The following FBXO42 variants were observed in gnomAD, a reference collection of about 807,000 sequenced individuals.
FBXO42 encodes the protein F-box protein 42.
In FBXO42, 12 loss-of-function variants were observed where a neutral mutation model predicts 71.7. The ratio of observed to expected loss-of-function variants is 0.17; its 90% CI spans 0.11 to 0.27. FBXO42 has a LOEUF of 0.27. Ranked by LOEUF, FBXO42 falls within the 10% of genes least tolerant of loss-of-function variation. The pLI, the probability that FBXO42 is intolerant of heterozygous loss-of-function variation, is 1.00. For synonymous variants in FBXO42, 325 were observed against 327.5 expected (o/e 0.99, Z 0.08); for missense variants, 707 against 911.9 (o/e 0.78, Z 2.89).
In FBXO42 at chr1:16,295,999, A is replaced by G. The variant is rs545465334; in HGVS notation, c.368-1082T>C. Among the ~76,000 whole-genome samples the G allele has an allele frequency of 2.0e-4, 31 of 152,356 alleles. No homozygotes were observed. The South Asian group carries it at 5.6e-3, about 27-fold the overall frequency. On this transcript the variant is annotated intron_variant, in intron 3 of 9. Coordinates refer to ENST00000375592, the MANE Select transcript of FBXO42 (RefSeq NM_018994.3). ...TCTAAAAAAAGCCTTCTTTGATTAG[A>G]TGATTGTATACACATCACCAGGCAT...
intron 1 of FBXO42, among the ~76,000 whole-genome samples, chr1:16,326,142 A>G (rs1569927557): frequency 6.7e-6 from 1 of 149,654 alleles, no homozygotes; most frequent in Non-Finnish European, 1.5e-5. Flanking sequence ...TGCAACCTCC[A>G]CCTCCTGAGT....
At position 16,251,740 on chromosome 1, in the gene FBXO42, C is replaced by A. The variant is rs1314665506; in HGVS notation, c.1084G>T (p.Ala362Ser). 6.2e-7 allele frequency: 1 copy of A among 1,614,156 alleles called. No individual in the cohort carries two copies. The highest frequency in any genetic ancestry group is 1.7e-5 in the Admixed American group (1 of 60,028). ...VVFSQAPSGR[A>S]PLSPSLNSRP... ...GAGTTCAAACTGGGGCTGAGTGGGG[C>A]TCTCCCACTAGGAGCCTGGCTGAAG... Residue 362 changes from alanine to serine, a missense_variant, in exon 10 of 10, where the codon GCC (alanine) becomes TCC (serine). Coordinates refer to ENST00000375592, the MANE Select transcript of FBXO42 (RefSeq NM_018994.3). This position sits in a 1 kb window ranked among gnomAD's most constrained non-coding sequence, Gnocchi z 4.5.
At position 16,247,159 on chromosome 1, in the gene FBXO42, A is replaced by C. The variant is rs1369335921; in HGVS notation, c.*3511T>G. ...AGTTTGCTCTCATTTGACAATGAACACGGTGAGAGGGAGCCACTTACTGGT... is the reference window on the plus strand; with the variant it reads ...AGTTTGCTCTCATTTGACAATGAACCCGGTGAGAGGGAGCCACTTACTGGT... On this transcript the variant is annotated 3_prime_UTR_variant, in exon 10 of 10. Coordinates refer to ENST00000375592, the MANE Select transcript of FBXO42 (RefSeq NM_018994.3). The C allele has an allele frequency of 6.6e-6, 1 of 152,256 alleles. No homozygotes were observed. The highest frequency in any genetic ancestry group is 2.4e-5 in the African/African-American group (1 of 41,460). 9.4% of individuals were successfully genotyped at this position (152,256 alleles called of 1,614,324 possible). A position where few individuals can be genotyped will look rare whatever the true frequency, so the allele number is the denominator to read the frequency against.
At chr1:16,316,557 G>A (rs1262377687) in intron 1 of FBXO42, among the ~76,000 whole-genome samples, 2 of 151,560 alleles carry the variant, frequency 1.3e-5, no homozygotes, top group South Asian at 2.1e-4. Flanking sequence ...GCAACATGGC[G>A]AAATCCCATC....
intron 3 of FBXO42, among the ~76,000 whole-genome samples, 183 bp from the exon 4 acceptor site, chr1:16,295,100 C>T (rs1400838149): frequency 1.3e-5 from 2 of 152,164 alleles, no homozygotes; most frequent in African/African-American, 4.8e-5. Context: ...AAAACAAGGT[C>T]CAGAGGAAAG....
At chr1:16,267,008 C>T (rs1234836623) in intron 4 of FBXO42, among the ~76,000 whole-genome samples, 1 of 152,126 alleles carries the variant, frequency 6.6e-6, no homozygotes, top group Non-Finnish European at 1.5e-5. Flanking sequence ...AAGCATGTTT[C>T]ATGGTTCTGT....
chr1:16,285,951 T>A (rs1308409533), intron 4 of FBXO42, among the ~76,000 whole-genome samples: 1 of 152,172 alleles, frequency 6.6e-6, no homozygotes, highest in Non-Finnish European at 1.5e-5. Context: ...CACTGCAGCC[T>A]CAACCTCCTG....
At chr1:16,270,753 C>T (rs376391284) in intron 4 of FBXO42, among the ~76,000 whole-genome samples, 1 of 73,714 alleles carries the variant, frequency 1.4e-5, no homozygotes, top group Non-Finnish European at 3.0e-5. Flanking sequence ...CCATGAGATA[C>T]ACACACACAC....
intron 6 of FBXO42, among the ~76,000 whole-genome samples, chr1:16,254,916 C>T (rs1297792196): frequency 2.0e-5 from 3 of 152,224 alleles, no homozygotes; most frequent in Non-Finnish European, 2.9e-5. Context: ...CACAACCCAT[C>T]CCATTTGTTT....
At chr1:16,343,590 G>A (rs1156476962) in intron 1 of FBXO42, among the ~76,000 whole-genome samples, 3 of 152,118 alleles carry the variant, frequency 2.0e-5, no homozygotes, top group Middle Eastern at 3.4e-3. Flanking sequence ...TTGGGAGGCC[G>A]AGGCAGGTAC....
intron 1 of FBXO42, among the ~76,000 whole-genome samples, chr1:16,330,262 T>C (rs916076790): frequency 2.0e-5 from 3 of 152,204 alleles, no homozygotes; most frequent in Non-Finnish European, 4.4e-5. Context: ...GGCTCATGCC[T>C]GTAATCCCAG....
chr1:16,297,465 C>T (rs1223063335), intron 3 of FBXO42, among the ~76,000 whole-genome samples: 1 of 152,052 alleles, frequency 6.6e-6, no homozygotes, highest in Non-Finnish European at 1.5e-5. Context: ...TTAAAATTAC[C>T]AAAGAAATTA....
intron 2 of FBXO42, among the ~76,000 whole-genome samples, chr1:16,312,005 T>A (rs1048780364): frequency 6.6e-6 from 1 of 151,936 alleles, no homozygotes; most frequent in Non-Finnish European, 1.5e-5. Flanking sequence ...CAAACTGTGG[T>A]GCATCTAGAC....
chr1:16,248,505 G>A lies in FBXO42; in HGVS notation c.*2165C>T, dbSNP rs1157676805. 6.6e-6 allele frequency: 1 copy of A among 152,168 alleles called. No individual in the cohort carries two copies. The allele number at this position is 152,168 out of a possible 1,614,324, so 9.4% of individuals were successfully genotyped here. On this transcript the variant is annotated 3_prime_UTR_variant, in exon 10 of 10. Transcript: ENST00000375592. ...GCTTAGGAAGGCCACAGGACTAAGG[G>A]AAAGACTGTAAGGTTGAGATTCTGT...
At chr1:16,329,678 G>A (rs145817333) in intron 1 of FBXO42, among the ~76,000 whole-genome samples, 2,315 of 151,884 alleles carry the variant, frequency 0.015, 25 homozygotes, top group Non-Finnish European at 0.019. Flanking sequence ...GGCTGGGTGC[G>A]GTGGCTTATG....
chr1:16,265,586 T>C (rs2081762624), intron 4 of FBXO42, among the ~76,000 whole-genome samples: 1 of 151,746 alleles, frequency 6.6e-6, no homozygotes, highest in Non-Finnish European at 1.5e-5. Context: ...AGATGAATAA[T>C]GGTAGGTGAA....
Position 16,352,470 on chromosome 1 carries a change from A to C in FBXO42, c.-233T>G. 1 of 396,752 alleles carries C rather than the reference A, an allele frequency of 2.5e-6. No homozygotes were observed. The highest frequency in any genetic ancestry group is 4.4e-6 in the Non-Finnish European group (1 of 224,902). 24.6% of individuals were successfully genotyped at this position (396,752 alleles called of 1,614,324 possible). On this transcript the variant is annotated 5_prime_UTR_variant, in exon 1 of 10. Transcript: ENST00000375592. ...AGCTGCTGCTGCTCAGGCCGGGAGA[A>C]GACAGCGCAGAGCGCGCATGCGCCG...
At chr1:16,306,560 T>C (rs1194919429) in intron 2 of FBXO42, among the ~76,000 whole-genome samples, 1 of 152,300 alleles carries the variant, frequency 6.6e-6, no homozygotes, top group Admixed American at 6.5e-5. Flanking sequence ...GGGGATAATT[T>C]AGCCTTATGA....
chr1:16,249,206 T>TTTGACA lies in FBXO42; in HGVS notation c.*1458_*1463dup. The TTTGACA allele has an allele frequency of 6.6e-6, 1 of 152,254 alleles. No individual in the cohort carries two copies. The highest frequency in any genetic ancestry group is 1.9e-4 in the East Asian group (1 of 5,196). 9.4% of individuals were successfully genotyped at this position (152,254 alleles called of 1,614,324 possible). On this transcript the variant is annotated 3_prime_UTR_variant, in exon 10 of 10. Transcript: ENST00000375592. ...ATGGTGCCATTTGAAATAAACTTAT[T>TTTGACA]TTGACATCTCCTATGCCCAGGCCAT...
Sources: gnomAD v4.1 joint callset for allele counts (sites outside exome capture counted in the v4.1 genomes callset) on GRCh38, gnomAD v4.1.1 for gene constraint, Gnocchi (gnomAD v3.1) non-coding constraint, MANE v1.5 for transcripts, NCBI Gene and HGNC (gene_info 2026-07-23, HGNC 2026-07-21) for gene names.